Variants in SNRPN observed in about 807,000 individuals in gnomAD.
SNRPN encodes small nuclear ribonucleoprotein polypeptide N.
SNRPN carries 7 observed loss-of-function variants against 25.2 expected under a neutral mutation model. That is an observed-to-expected ratio of 0.28 (90% CI 0.16 to 0.52). The LOEUF (loss-of-function observed/expected upper bound fraction) is 0.52. SNRPN is among the 20% of genes least tolerant of loss of function. The pLI, the probability that SNRPN is intolerant of heterozygous loss-of-function variation, is 0.96. For synonymous variants in SNRPN, 124 were observed against 110.6 expected (o/e 1.12, Z -0.76); for missense variants, 196 against 322.5 (o/e 0.61, Z 3.00).
chr15:24,839,051 A>G (rs1013878386), intron 2 of SNRPN, among the ~76,000 whole-genome samples: 6 of 152,040 alleles, frequency 3.9e-5, no homozygotes, highest in African/African-American at 1.5e-4. Context: ...TTAGCCAGCT[A>G]CCTGGTCCAC....
At chr15:24,968,888 T>C (rs1244514438) in intron 3 of SNRPN, 18 of 152,222 alleles carry the variant, frequency 1.2e-4, no homozygotes, top group Admixed American at 9.8e-4. Context: ...GAAAAAGTTA[T>C]TACAAAGTCG....
At chr15:24,950,711 C>CTTTTTA (rs2062198777), upstream of SNRPN, among the ~76,000 whole-genome samples, 2 of 151,264 alleles carry the variant, frequency 1.3e-5, no homozygotes, top group African/African-American at 4.9e-5. Context: ...CCACATTTGG[C>CTTTTTA]TTTTTTATTT....
intron 1 of SNRPN, among the ~76,000 whole-genome samples, chr15:24,959,346 G>A (rs1247162892): frequency 6.6e-6 from 1 of 152,132 alleles, no homozygotes; most frequent in Non-Finnish European, 1.5e-5. Context: ...GTAGATTTAA[G>A]CCAGGTGCGG....
rs2076819754 is a variant in SNRPN, at chr15:24,974,356, A to G, written c.-98A>G. On this transcript the variant is annotated 5_prime_UTR_variant, in exon 4 of 10. Coordinates refer to ENST00000390687, the MANE Select transcript of SNRPN (RefSeq NM_003097.6). ...CTTCTGCCCAGCTTGCATTGTTTCT[A>G]GGAGAACCTGCGTCATACCTTTATC... is the stretch of plus-strand genomic sequence containing the variant. 4.4e-6 allele frequency: 5 copies of G among 1,129,384 alleles called. No individual in the cohort carries two copies. Among genetic ancestry groups the G allele is most frequent in the Admixed American group, 1.7e-5 (1 of 59,250 alleles). 70.0% of individuals were successfully genotyped at this position (1,129,384 alleles called of 1,614,324 possible). A position where few individuals can be genotyped will look rare whatever the true frequency, so the allele number is the denominator to read the frequency against.
chr15:24,875,447 C>T (rs547343037), intron 1 of SNRPN, among the ~76,000 whole-genome samples: 1 of 152,278 alleles, frequency 6.6e-6, no homozygotes, highest in East Asian at 1.9e-4. Context: ...AATCTAAATG[C>T]TACATTAAAT....
chr15:24,890,097 C>T (rs895990885), intron 2 of SNRPN, among the ~76,000 whole-genome samples: 1 of 149,008 alleles, frequency 6.7e-6, no homozygotes, highest in Non-Finnish European at 1.5e-5. Flanking sequence ...CCCTGGCATA[C>T]TGAGTATTTT....
At position 24,877,721 on chromosome 15, in the gene SNRPN, G is replaced by A. The variant is rs561906915; in HGVS notation, c.-578-8795G>A. Among the ~76,000 whole-genome samples, 100 of 151,718 alleles carry A rather than the reference G, an allele frequency of 6.6e-4. 1 individual carries two copies. The highest frequency in any genetic ancestry group is 1.2e-3 in the Non-Finnish European group (84 of 67,966). On this transcript the variant is annotated intron_variant, in intron 1 of 11. Coordinates refer to the SNRPN transcript ENST00000400097. ...AAACACACTAGCCGGGCGCAGTGGC[G>A]CGCGCCTGTAATCCCAGCTACTCGG...
chr15:24,977,124 T>C (rs997725949), intron 7 of SNRPN, 95 bp downstream of exon 7: 6 of 973,992 alleles, frequency 6.2e-6, no homozygotes, highest in Non-Finnish European at 7.3e-6. Context: ...TGTCATACAA[T>C]GTAAACAGCA....
At chr15:24,943,884 T>C (rs181147378) in intron 3 of SNRPN, among the ~76,000 whole-genome samples, 7 of 152,264 alleles carry the variant, frequency 4.6e-5, no homozygotes, top group Admixed American at 3.3e-4. Flanking sequence ...TGCAGTGGCA[T>C]GATCCTGGCT....
At chr15:24,911,681 TA>T (rs917745833) in intron 2 of SNRPN, among the ~76,000 whole-genome samples, 6 of 152,222 alleles carry the variant, frequency 3.9e-5, no homozygotes, top group African/African-American at 1.4e-4. Context: ...TTTCTCCACC[TA>T]ATTTCCAAGG....
At chr15:24,844,199 G>A (rs747150852) in intron 2 of SNRPN, among the ~76,000 whole-genome samples, 4 of 151,624 alleles carry the variant, frequency 2.6e-5, no homozygotes, top group South Asian at 2.1e-4. Flanking sequence ...TATATATATC[G>A]ACTCTTAATA....
chr15:24,854,877 G>T (rs1210970198), upstream of SNRPN, among the ~76,000 whole-genome samples: 1 of 151,968 alleles, frequency 6.6e-6, no homozygotes, highest in Non-Finnish European at 1.5e-5. Flanking sequence ...ATGGGCACCT[G>T]CAGTCCCATC....
At position 24,929,810 on chromosome 15, in the gene SNRPN, T is replaced by A. The variant is rs2060680305; in HGVS notation, c.-391+9686T>A. Among the ~76,000 whole-genome samples the A allele has an allele frequency of 6.6e-6, 1 of 152,198 alleles. No individual in the cohort carries two copies. Among genetic ancestry groups the A allele is most frequent in the African/African-American group, 2.4e-5 (1 of 41,460 alleles). Reference sequence around the variant, plus strand: ...TTCTGCAAGAGCAAAAATTACATATTTTTATTTTTCAAATAAAATCAATTG... The same window carrying A: ...TTCTGCAAGAGCAAAAATTACATATATTTATTTTTCAAATAAAATCAATTG... On this transcript the variant is annotated intron_variant, in intron 3 of 11. Transcript: ENST00000400097. This position sits in a 1 kb window ranked among gnomAD's most constrained non-coding sequence, Gnocchi z 5.3.
rs71461572 is a variant in SNRPN, at chr15:24,918,471, T to C, written c.-504-1540T>C. 8.2e-3 allele frequency among the ~76,000 whole-genome samples: 936 copies of C among 113,526 alleles called. 12 individuals are homozygous for C. The highest frequency in any genetic ancestry group is 0.039 in the East Asian group (119 of 3,046). 74.5% of individuals were successfully genotyped at this position (113,526 alleles called of 152,430 possible). A position where few individuals can be genotyped will look rare whatever the true frequency, so the allele number is the denominator to read the frequency against. On this transcript the variant is annotated intron_variant, in intron 2 of 11. Coordinates refer to the SNRPN transcript ENST00000400097. ...ATATATATAACATAATATATATGTG[T>C]ATATATATAACATAATATATATGTG... is the stretch of plus-strand genomic sequence containing the variant.
At chr15:24,956,666 C>G (rs777793377) in intron 1 of SNRPN, among the ~76,000 whole-genome samples, 14 of 152,216 alleles carry the variant, frequency 9.2e-5, no homozygotes, top group Non-Finnish European at 2.1e-4. Context: ...CTGGCTGATA[C>G]AGCAGCTGTT....
rs1251833776 is a variant in SNRPN, at chr15:24,861,756, AAG to A, written c.-579+5043_-579+5044del. ...TGAGAGCCATGACTAATAAACACAT[AAG>A]AGTCGATTTAATATTTATTTTAAAA... On this transcript the variant is annotated intron_variant, in intron 1 of 11. Transcript: ENST00000400097. Among the ~76,000 whole-genome samples, 4 of 102,190 alleles carry A rather than the reference AAG, an allele frequency of 3.9e-5. No homozygotes were observed. In the Admixed American group the frequency reaches 4.3e-4, roughly 11 times the overall value. The allele number at this position is 102,190 out of a possible 152,430, so 67.0% of individuals were successfully genotyped here.
At chr15:24,948,043 T>TA (rs2061990945) in intron 3 of SNRPN, among the ~76,000 whole-genome samples, 1 of 152,124 alleles carries the variant, frequency 6.6e-6, no homozygotes, top group South Asian at 2.1e-4. Context: ...TAGAATTTCT[T>TA]AATGTTGCAT....
At chr15:24,942,323 C>T (rs2061604532) in intron 3 of SNRPN, 1 of 152,170 alleles carries the variant, frequency 6.6e-6, no homozygotes, top group Non-Finnish European at 1.5e-5. Flanking sequence ...TGGACACTGA[C>T]TCAGACAGTA....
At chr15:24,885,744 G>GTT (rs1419696311) in intron 1 of SNRPN, among the ~76,000 whole-genome samples, 1 of 151,828 alleles carries the variant, frequency 6.6e-6, no homozygotes, top group Non-Finnish European at 1.5e-5. Flanking sequence ...GTGTGTGTGT[G>GTT]TGTGTGTGTA....
Sources: allele counts gnomAD v4.1 joint callset (sites outside exome capture counted in the v4.1 genomes callset), GRCh38; gene constraint gnomAD v4.1.1; non-coding constraint Gnocchi (gnomAD v3.1); transcripts MANE v1.5; gene names NCBI Gene and HGNC (gene_info 2026-07-23, HGNC 2026-07-21).